RBFOX1: variants seen among roughly 807,000 people sequenced by gnomAD.
RBFOX1 encodes RNA binding fox-1 homolog 1.
In RBFOX1, 8 loss-of-function variants were observed where a neutral mutation model predicts 57.7. The ratio of observed to expected loss-of-function variants is 0.14; its 90% CI spans 0.08 to 0.25. The LOEUF (loss-of-function observed/expected upper bound fraction) is 0.25, where lower values mean the gene tolerates loss of function less well. Among genes scored for constraint, RBFOX1 ranks in the 10% least tolerant of loss-of-function variants. RBFOX1 has a pLI of 1.00. For synonymous variants in RBFOX1, 326 were observed against 222.4 expected, an observed-to-expected ratio of 1.47 and a Z score of -4.15; for missense variants, 611 against 548.5, an observed-to-expected ratio of 1.11 and a Z score of -1.14.
intron 10 of RBFOX1, among the ~76,000 whole-genome samples, chr16:7,620,683 T>A (rs2059171902): frequency 6.6e-6 from 1 of 152,194 alleles, no homozygotes; most frequent in Non-Finnish European, 1.5e-5. Flanking sequence ...ATGGGGGTAA[T>A]GGATATTGAT....
chr16:6,078,230 A>G (rs2095939519), intron 1 of RBFOX1, among the ~76,000 whole-genome samples: 1 of 152,134 alleles, frequency 6.6e-6, no homozygotes, highest in Non-Finnish European at 1.5e-5. Flanking sequence ...CATTTTTGCC[A>G]TTGCTATTAA....
intron 3 of RBFOX1, among the ~76,000 whole-genome samples, chr16:6,748,136 G>A (rs538537197): frequency 1.4e-4 from 21 of 151,850 alleles, no homozygotes; most frequent in African/African-American, 4.8e-4. Flanking sequence ...TTTTCCTAGC[G>A]TTATTTATGG....
At chr16:5,489,806 T>C (rs1172050702) in intron 2 of RBFOX1, among the ~76,000 whole-genome samples, 1 of 152,194 alleles carries the variant, frequency 6.6e-6, no homozygotes, top group Non-Finnish European at 1.5e-5. Context: ...CCAGCTCATA[T>C]AGTGCCAGGG....
At chr16:6,259,218 C>T (rs1343300485) in intron 1 of RBFOX1, among the ~76,000 whole-genome samples, 1 of 152,136 alleles carries the variant, frequency 6.6e-6, no homozygotes, top group Non-Finnish European at 1.5e-5. Context: ...AGATTGTTAT[C>T]CAGGTCACCT....
chr16:6,156,257 C>T (rs1018086830), intron 1 of RBFOX1, among the ~76,000 whole-genome samples: 26 of 152,198 alleles, frequency 1.7e-4, no homozygotes, highest in Admixed American at 1.3e-4. Context: ...TCACCTTCCT[C>T]ACAGTTACCT....
chr16:6,738,312 A>G (rs2071014139), intron 3 of RBFOX1, among the ~76,000 whole-genome samples: 1 of 152,062 alleles, frequency 6.6e-6, no homozygotes, highest in African/African-American at 2.4e-5. Flanking sequence ...GAGGAGGGGA[A>G]CTGAGATGAA....
At chr16:7,547,095 T>C (rs904832451) in intron 5 of RBFOX1, among the ~76,000 whole-genome samples, 2 of 152,122 alleles carry the variant, frequency 1.3e-5, no homozygotes, top group Non-Finnish European at 2.9e-5. Context: ...TGATTTAAAA[T>C]GCCTGAAGAA....
chr16:6,299,459 C>G (rs373549752), intron 1 of RBFOX1, among the ~76,000 whole-genome samples: 3 of 152,074 alleles, frequency 2.0e-5, no homozygotes, highest in Non-Finnish European at 4.4e-5. Context: ...TCAGAGAGGT[C>G]GAGTAACTTG....
chr16:5,695,531 G>A (rs1375518026), intron 3 of RBFOX1, among the ~76,000 whole-genome samples: 1 of 152,182 alleles, frequency 6.6e-6, no homozygotes, highest in Admixed American at 6.5e-5. Context: ...ATAGATGGAT[G>A]GGATGATGCC....
intron 4 of RBFOX1, among the ~76,000 whole-genome samples, chr16:7,271,023 A>C (rs1047306204): frequency 1.3e-5 from 2 of 152,162 alleles, no homozygotes; most frequent in Non-Finnish European, 2.9e-5. Flanking sequence ...CCCTGCTTAA[A>C]TTGCTGGGTA....
intron 4 of RBFOX1, among the ~76,000 whole-genome samples, chr16:7,277,153 G>T (rs1278083212): frequency 6.6e-6 from 1 of 152,136 alleles, no homozygotes; most frequent in Non-Finnish European, 1.5e-5. Context: ...ACATTAAAAA[G>T]TTGGATTTCT....
At chr16:5,860,108 A>T (rs1277313428) in intron 3 of RBFOX1, among the ~76,000 whole-genome samples, 1 of 151,978 alleles carries the variant, frequency 6.6e-6, no homozygotes, top group Admixed American at 6.6e-5. Context: ...TTTGTGATGG[A>T]GTCTCACTCT....
At chr16:6,886,564 T>TC (rs1720157050) in intron 3 of RBFOX1, among the ~76,000 whole-genome samples, 1 of 151,726 alleles carries the variant, frequency 6.6e-6, no homozygotes, top group South Asian at 2.1e-4. Flanking sequence ...ACTAGCCTGG[T>TC]CTACATGGTG....
intron 11 of RBFOX1, among the ~76,000 whole-genome samples, chr16:7,639,623 G>A (rs1021731581): frequency 6.6e-6 from 1 of 152,118 alleles, no homozygotes; most frequent in Non-Finnish European, 1.5e-5. Context: ...TAAGGTTTCA[G>A]AATTTCAAAC....
chr16:7,204,056 C>A (rs2089363806), intron 4 of RBFOX1, among the ~76,000 whole-genome samples: 1 of 152,270 alleles, frequency 6.6e-6, no homozygotes, highest in African/African-American at 2.4e-5. Flanking sequence ...GTGCCCCTGA[C>A]TTCTCCAGAT....
chr16:6,577,394 A>T (rs2097456156), intron 2 of RBFOX1: 1 of 152,216 alleles, frequency 6.6e-6, no homozygotes, highest in Non-Finnish European at 1.5e-5. Context: ...ATTAAATATA[A>T]ATACCAGTCC....
intron 3 of RBFOX1, among the ~76,000 whole-genome samples, chr16:5,803,345 T>C (rs1017192595): frequency 6.6e-6 from 1 of 152,156 alleles, no homozygotes; most frequent in African/African-American, 2.4e-5. Flanking sequence ...GGAGGGATAT[T>C]GGAAGAGTGG....
chr16:7,100,359 A>T (rs190264585), intron 4 of RBFOX1, among the ~76,000 whole-genome samples: 135 of 152,206 alleles, frequency 8.9e-4, no homozygotes, highest in Admixed American at 2.9e-3. Context: ...ATGAAGTAGA[A>T]TCTGACTCCC....
At chr16:6,598,106 G>A (rs2097795724) in intron 2 of RBFOX1, among the ~76,000 whole-genome samples, 1 of 152,148 alleles carries the variant, frequency 6.6e-6, no homozygotes, top group Non-Finnish European at 1.5e-5. Context: ...CCTTATAGAT[G>A]CACCTATACA....
Sources: gnomAD v4.1 joint callset for allele counts (sites outside exome capture counted in the v4.1 genomes callset) on GRCh38, gnomAD v4.1.1 for gene constraint, MANE v1.5 for transcripts, NCBI Gene and HGNC (gene_info 2026-07-23, HGNC 2026-07-21) for gene names.